The following LRRC37A3 variants were observed in gnomAD, a reference collection of about 807,000 sequenced individuals.
The protein encoded by LRRC37A3 is leucine rich repeat containing 37 member A3, also known as leucine-rich repeat-containing protein 37A3.
Under a neutral mutation model 106.2 loss-of-function variants are expected in LRRC37A3, and 25 were observed. The observed-to-expected ratio is 0.24, with a 90% CI of 0.17 to 0.33. LRRC37A3 has a LOEUF of 0.33. Ranked by LOEUF, LRRC37A3 falls within the 10% of genes least tolerant of loss-of-function variation. The pLI, the probability that LRRC37A3 is intolerant of heterozygous loss-of-function variation, is 1.00. For missense variants in LRRC37A3, 712 were observed against 1,644.9 expected (o/e 0.43, Z 9.81); for synonymous variants, 305 against 635.8 (o/e 0.48, Z 7.83).
chr17:64,909,059 GC>G (rs1179586011), intron 2 of LRRC37A3, among the ~76,000 whole-genome samples: 1 of 152,118 alleles, frequency 6.6e-6, no homozygotes, highest in Non-Finnish European at 1.5e-5. Flanking sequence ...ACAGGCATGA[GC>G]CACAGTGCCC....
At chr17:64,877,392 G>C (rs1973548609) in intron 8 of LRRC37A3, among the ~76,000 whole-genome samples, 1 of 152,008 alleles carries the variant, frequency 6.6e-6, no homozygotes, top group African/African-American at 2.4e-5. Flanking sequence ...AGTAGACATG[G>C]GGTTTCACCA....
chr17:64,876,268 A>G (rs71377785), intron 8 of LRRC37A3, among the ~76,000 whole-genome samples: 2 of 152,192 alleles, frequency 1.3e-5, no homozygotes, highest in African/African-American at 2.4e-5. Context: ...CTGCAGCCCC[A>G]ATCTCCCGGG....
Position 64,859,513 on chromosome 17 carries a change from G to T in LRRC37A3, c.4633C>A (p.Gln1545Lys). The T allele has an allele frequency of 1.2e-6, 2 of 1,611,342 alleles. No homozygotes were observed. The highest frequency in any genetic ancestry group is 1.4e-5 in the African/African-American group (1 of 73,996). The change falls in exon 12 of 15, where the codon CAA (glutamine) becomes AAA (lysine). Residue 1545 changes from glutamine to lysine, a missense_variant. Physicochemically the swap from Gln to Lys is moderately conservative, Grantham distance 53. Coordinates refer to ENST00000584306, the MANE Select transcript of LRRC37A3 (RefSeq NM_199340.5). Reference sequence around the variant, plus strand: ...TTAATGTAGTTCTCAGTCTTCCATTGGTCCGTATCCCATTCTATCTTGGAT... The same window carrying T: ...TTAATGTAGTTCTCAGTCTTCCATTTGTCCGTATCCCATTCTATCTTGGAT... Reference protein sequence around the residue: ...KASKIEWDTDQWKTENYINES... With the variant: ...KASKIEWDTDKWKTENYINES...
chr17:64,881,174 T>C (rs939121540), intron 8 of LRRC37A3: 19 of 700,822 alleles, frequency 2.7e-5, no homozygotes, highest in Middle Eastern at 3.6e-4. Flanking sequence ...TCGGACTGCA[T>C]CACGTAAATG....
At chr17:64,904,235 C>G (rs2143600913) in intron 2 of LRRC37A3, among the ~76,000 whole-genome samples, 1 of 152,384 alleles carries the variant, frequency 6.6e-6, no homozygotes, top group Admixed American at 6.5e-5. Context: ...ACTCCAGCAC[C>G]TTGGGATCCT....
intron 11 of LRRC37A3, among the ~76,000 whole-genome samples, chr17:64,861,653 T>C (rs1026681822): frequency 2.0e-5 from 3 of 152,222 alleles, no homozygotes; most frequent in Non-Finnish European, 2.9e-5. Context: ...TTTTTCAAAT[T>C]TGCCAGATTG....
chr17:64,919,169 G>C (rs1236704438), intron 1 of LRRC37A3, among the ~76,000 whole-genome samples: 1 of 151,444 alleles, frequency 6.6e-6, no homozygotes, highest in African/African-American at 2.4e-5. Context: ...GTCCGGACGT[G>C]GGCGGCGGCG....
At chr17:64,864,715 T>C (rs1972997831) in intron 10 of LRRC37A3, among the ~76,000 whole-genome samples, 1 of 151,832 alleles carries the variant, frequency 6.6e-6, no homozygotes. Flanking sequence ...CTTGGCCTTG[T>C]CATTATAATA....
intron 8 of LRRC37A3, among the ~76,000 whole-genome samples, chr17:64,875,455 C>A (rs992163494): frequency 6.6e-6 from 1 of 151,980 alleles, no homozygotes; most frequent in African/African-American, 2.4e-5. Flanking sequence ...GCTAGAAGAC[C>A]TGCCCTATAA....
At position 64,874,972 on chromosome 17, in the gene LRRC37A3, G is replaced by A. The variant is rs773327160; in HGVS notation, c.2907-5806C>T. On this transcript the variant is annotated intron_variant, in intron 8 of 14. Coordinates refer to ENST00000584306, the MANE Select transcript of LRRC37A3 (RefSeq NM_199340.5). Reference sequence around the variant, plus strand: ...CACAAACACTGTGGAAGGCCGCAGGGTCCTCTGCCTAGGAAAACCAGAGAC... The same window carrying A: ...CACAAACACTGTGGAAGGCCGCAGGATCCTCTGCCTAGGAAAACCAGAGAC... Among the ~76,000 whole-genome samples, 781 of 151,808 alleles carry A rather than the reference G, an allele frequency of 5.1e-3. 7 individuals carry two copies. Among genetic ancestry groups the A allele is most frequent in the Non-Finnish European group, 8.7e-3 (589 of 67,926 alleles).
At chr17:64,878,961 A>T (rs1006088596) in intron 8 of LRRC37A3, among the ~76,000 whole-genome samples, 6 of 152,250 alleles carry the variant, frequency 3.9e-5, no homozygotes, top group African/African-American at 1.4e-4. Context: ...GAACTGATAT[A>T]GTGATGGCTC....
At chr17:64,901,722 G>T (rs1187205283) in intron 2 of LRRC37A3, among the ~76,000 whole-genome samples, 3,051 of 99,502 alleles carry the variant, frequency 0.031, no homozygotes, top group South Asian at 0.12. Flanking sequence ...AGAGCAATCA[G>T]GGCCACCTCT....
In LRRC37A3 at chr17:64,869,065, CTT is replaced by C. The variant is rs1316814181; in HGVS notation, c.2978+28_2978+29del. ...AAAATTTAAAAAGCATAAATCATCT[CTT>C]GACTCATGAGAGTACTATAGTACTT... On this transcript the variant is annotated intron_variant, in intron 9 of 14. Coordinates refer to ENST00000584306, the MANE Select transcript of LRRC37A3 (RefSeq NM_199340.5). 4 of 1,575,896 alleles carry C rather than the reference CTT, an allele frequency of 2.5e-6. No individual in the cohort carries two copies. The African/African-American group carries it at 5.5e-5, about 22-fold the overall frequency.
chr17:64,880,450 C>T (rs915071763), intron 8 of LRRC37A3, among the ~76,000 whole-genome samples: 7 of 152,092 alleles, frequency 4.6e-5, no homozygotes, highest in Admixed American at 2.0e-4. Context: ...CGCCCAGCCT[C>T]GAGTGTTTTT....
chr17:64,915,291 C>T (rs778391054), intron 2 of LRRC37A3, among the ~76,000 whole-genome samples: 1 of 148,884 alleles, frequency 6.7e-6, no homozygotes, highest in Non-Finnish European at 1.5e-5. Flanking sequence ...TGTGGAACAA[C>T]GACCACAACA....
chr17:64,908,632 C>T (rs1476219355), intron 2 of LRRC37A3, among the ~76,000 whole-genome samples: 4 of 79,542 alleles, frequency 5.0e-5, no homozygotes, highest in Non-Finnish European at 8.9e-5. Context: ...CAAAAATTAG[C>T]CAGGCATGGT....
intron 2 of LRRC37A3, among the ~76,000 whole-genome samples, chr17:64,899,528 T>C (rs2143582307): frequency 6.9e-6 from 1 of 144,378 alleles, no homozygotes; most frequent in South Asian, 2.1e-4. Context: ...TGACGCAAAC[T>C]TCATTTTGCA....
rs1974143170 is a variant in LRRC37A3, at chr17:64,897,088, G to C, written c.170C>G (p.Pro57Arg). 6.2e-7 allele frequency: 1 copy of C among 1,606,676 alleles called. No homozygotes were observed. The highest frequency in any genetic ancestry group is 1.7e-5 in the Admixed American group (1 of 59,682). ...LQLTSNPLGP[P>R]EPWSSHSSHF... ...GGAGGAGTGGGAAGACCAGGGCTCA[G>C]GCGGCCCCAGGGGGTTAGAGGTCAG... is the stretch of plus-strand genomic sequence containing the variant. The change falls in exon 4 of 15, where the codon CCT becomes CGT. Residue 57 changes from proline to arginine, a missense_variant. Physicochemically the swap from Pro to Arg is moderately radical, Grantham distance 103. Transcript: ENST00000584306.
chr17:64,876,489 C>A (rs1237504636), intron 8 of LRRC37A3, among the ~76,000 whole-genome samples: 1 of 152,108 alleles, frequency 6.6e-6, no homozygotes, highest in Non-Finnish European at 1.5e-5. Context: ...TGCAAAAATA[C>A]AGAAGACCAA....
Sources: allele counts gnomAD v4.1 joint callset (sites outside exome capture counted in the v4.1 genomes callset), GRCh38; gene constraint gnomAD v4.1.1; transcripts MANE v1.5; gene names NCBI Gene and HGNC (gene_info 2026-07-23, HGNC 2026-07-21).